XDH: variants seen among roughly 807,000 people sequenced by gnomAD.
The protein encoded by XDH is xanthine dehydrogenase/oxidase.
A neutral mutation model predicts 156.1 loss-of-function variants in XDH; 138 were observed. That is an observed-to-expected ratio of 0.88 (90% CI 0.77 to 1.02). The LOEUF is 1.02. Among genes scored for constraint, XDH ranks in the 50% least tolerant of loss-of-function variants. XDH has a pLI of 0.00. For missense variants in XDH, 1,849 were observed against 1,684.9 expected, an observed-to-expected ratio of 1.10 and a Z score of -1.71; for synonymous variants, 669 against 625.7, an observed-to-expected ratio of 1.07 and a Z score of -1.03.
At chr2:31,371,008 G>T (rs887445796) in intron 17 of XDH, among the ~76,000 whole-genome samples, 1 of 152,180 alleles carries the variant, frequency 6.6e-6, no homozygotes, top group Admixed American at 6.5e-5. Context: ...AGCACATGGA[G>T]CCCGGCTGTG....
chr2:31,368,739 C>T, intron 18 of XDH, 79 bp from the exon 19 acceptor site: 1 of 1,612,464 alleles, frequency 6.2e-7, no homozygotes, highest in African/African-American at 1.3e-5. Context: ...TTCAAAAAGC[C>T]AAAAGAAGTC....
intron 13 of XDH, among the ~76,000 whole-genome samples, chr2:31,378,103 AAAGAAAGGAAGGAAGGAAGGAAGGAAGG>A (rs1252036238): frequency 5.4e-4 from 28 of 51,784 alleles, no homozygotes; most frequent in Non-Finnish European, 2.2e-4. Flanking sequence ...AGAAAGAAAG[AAAGAAAGGAAGGAAGGAAGGAAGGAAGG>A]AAGGAAGGAA....
chr2:31,366,989 TC>T lies in XDH; in HGVS notation c.2202del (p.Ile735TyrfsTer37). On this transcript the variant is annotated frameshift_variant, in exon 21 of 36. Transcript: ENST00000379416. LOFTEE classifies it high-confidence loss of function. Reference sequence around the variant, plus strand: ...AAGTGCTCTTGGCCACCGATGTATATCTCCCCTGGGGAAGCAGTGAGATCCC... The same window carrying T: ...AAGTGCTCTTGGCCACCGATGTATATTCCCCTGGGGAAGCAGTGAGATCCC... ...FSEADNVVSG[E>X]IYIGGQEHFY... 5 of 1,614,122 alleles carry T rather than the reference TC, an allele frequency of 3.1e-6. No individual in the cohort carries two copies. The highest frequency in any genetic ancestry group is 4.2e-6 in the Non-Finnish European group (5 of 1,179,992).
At chr2:31,402,023 C>T (rs974561919) in intron 3 of XDH, among the ~76,000 whole-genome samples, 2 of 152,186 alleles carry the variant, frequency 1.3e-5, no homozygotes, top group Admixed American at 6.5e-5. Context: ...CAATTTAAAT[C>T]TTGTTAAAGT....
intron 1 of XDH, 58 bp downstream of exon 1, chr2:31,414,567 G>C (rs1040277644): frequency 3.1e-6 from 5 of 1,605,692 alleles, no homozygotes; most frequent in Non-Finnish European, 4.3e-6. Context: ...TCTGCCAGAG[G>C]ACACATTTCC....
rs1278744432 is a variant in XDH, at chr2:31,350,186, T to C, written c.2669A>G (p.Tyr890Cys). Residue 890 changes from tyrosine (Y) to cysteine (C), a missense_variant, in exon 25 of 36, where the codon TAT (tyrosine) becomes TGT (cysteine). Transcript: ENST00000379416. The stretch of plus-strand genomic sequence containing the variant: ...AGTGCCCCGGATGTTGGGGATTTTA[T>C]AGCAGTTGTCCATGTGGAATAAAGC... The part of the protein sequence containing the change: ...ERALFHMDNC[Y>C]KIPNIRGTGR... The C allele has an allele frequency of 1.2e-6, 2 of 1,614,166 alleles. No individual in the cohort carries two copies. Among genetic ancestry groups the C allele is most frequent in the Non-Finnish European group, 8.5e-7 (1 of 1,180,040 alleles).
chr2:31,339,774 G>A (rs561209214), intron 33 of XDH, 97 bp from the exon 34 acceptor site: 171 of 1,490,398 alleles, frequency 1.1e-4, no homozygotes, highest in Middle Eastern at 3.7e-4. Context: ...ACTGCAGCGC[G>A]GCCTGGAATG....
intron 33 of XDH, 144 bp from the exon 34 acceptor site, chr2:31,339,821 G>A (rs1039584463): frequency 6.4e-6 from 7 of 1,089,300 alleles, no homozygotes; most frequent in South Asian, 2.7e-5. Flanking sequence ...CCTGGCTCCC[G>A]CCTCAGCCCT....
chr2:31,397,499 G>A lies in XDH; in HGVS notation c.495+169C>T, dbSNP rs545432313. Among the ~76,000 whole-genome samples, 65 of 152,286 alleles carry A rather than the reference G, an allele frequency of 4.3e-4. 2 individuals carry two copies. The highest frequency in any genetic ancestry group is 8.3e-4 in the South Asian group (4 of 4,820). Reference sequence around the variant, plus strand: ...TAAGAACCCTTCCCTGAATAAGAATGGCAGACTCTACTCCCCATGCCAGAT... The same window carrying A: ...TAAGAACCCTTCCCTGAATAAGAATAGCAGACTCTACTCCCCATGCCAGAT... On this transcript the variant is annotated intron_variant, in intron 6 of 35. Coordinates refer to ENST00000379416, the MANE Select transcript of XDH (RefSeq NM_000379.4).
intron 1 of XDH, among the ~76,000 whole-genome samples, chr2:31,408,992 G>T (rs1261566929): frequency 6.6e-6 from 1 of 152,208 alleles, no homozygotes; most frequent in Admixed American, 6.5e-5. Flanking sequence ...CAACAACATG[G>T]ATGGATGGAG....
At chr2:31,379,457 G>C (rs761978871) in intron 13 of XDH, among the ~76,000 whole-genome samples, 18 of 152,210 alleles carry the variant, frequency 1.2e-4, no homozygotes, top group Admixed American at 8.5e-4. Flanking sequence ...ATGTGTTCTT[G>C]GAATTCTGTT....
chr2:31,405,863 C>T (rs1490208610), intron 2 of XDH, 44 bp downstream of exon 2: 17 of 1,609,552 alleles, frequency 1.1e-5, no homozygotes, highest in Non-Finnish European at 1.4e-5. Flanking sequence ...AATCAGTCAC[C>T]ATTGCCCCCC....
intron 17 of XDH, among the ~76,000 whole-genome samples, chr2:31,370,755 C>G (rs982274968): frequency 1.3e-5 from 2 of 152,158 alleles, no homozygotes; most frequent in African/African-American, 4.8e-5. Context: ...ATCCCAGCAC[C>G]TTGGCAGGTC....
At position 31,377,084 on chromosome 2, in the gene XDH, C is replaced by T; in HGVS notation, c.1396G>A (p.Ala466Thr). ...YGGMANRTISALKTTQRQLSK... is the reference protein window; with the variant it reads ...YGGMANRTISTLKTTQRQLSK... ...AGCTGCCTCTGAGTGGTCTTGAGGGCTGAGATGGTTCTGTTGGCCATTCCA... is the reference window on the plus strand; with the variant it reads ...AGCTGCCTCTGAGTGGTCTTGAGGGTTGAGATGGTTCTGTTGGCCATTCCA... The change falls in exon 14 of 36, where the codon GCC (alanine) becomes ACC (threonine). Residue 466 changes from alanine (A) to threonine (T), a missense_variant. Ala to Thr is a moderately conservative substitution (Grantham distance 58, BLOSUM62 0). Coordinates refer to ENST00000379416, the MANE Select transcript of XDH (RefSeq NM_000379.4). 6.2e-7 allele frequency: 1 copy of T among 1,614,128 alleles called. No homozygotes were observed. Among genetic ancestry groups the T allele is most frequent in the South Asian group, 1.1e-5 (1 of 91,076 alleles).
At chr2:31,411,701 T>C (rs1290547313) in intron 1 of XDH, among the ~76,000 whole-genome samples, 4 of 152,236 alleles carry the variant, frequency 2.6e-5, no homozygotes, top group Admixed American at 2.0e-4. Flanking sequence ...ACCTACTGTA[T>C]ACCATGCACT....
intron 31 of XDH, among the ~76,000 whole-genome samples, 168 bp downstream of exon 31, chr2:31,344,516 C>G (rs988767971): frequency 2.0e-5 from 3 of 152,192 alleles, no homozygotes; most frequent in Non-Finnish European, 4.4e-5. Flanking sequence ...TGTGGCCATT[C>G]CACATATTTT....
chr2:31,401,180 A>G, intron 4 of XDH, 40 bp downstream of exon 4: 1 of 1,608,550 alleles, frequency 6.2e-7, no homozygotes, highest in Non-Finnish European at 8.5e-7. Context: ...CAGAGGAAAG[A>G]GCCTGATCTC....
intron 9 of XDH, among the ~76,000 whole-genome samples, chr2:31,384,563 T>A (rs1327060600): frequency 6.6e-6 from 1 of 152,152 alleles, no homozygotes; most frequent in Non-Finnish European, 1.5e-5. Flanking sequence ...AAGCCTCTGT[T>A]AAACAAGTGT....
At chr2:31,368,255 G>A (rs994033432) in intron 19 of XDH, among the ~76,000 whole-genome samples, 198 bp from the exon 20 acceptor site, 1 of 152,178 alleles carries the variant, frequency 6.6e-6, no homozygotes, top group Non-Finnish European at 1.5e-5. Context: ...TCAGCTGTAG[G>A]TGGACAACCC....
Sources: gnomAD v4.1 joint callset for allele counts (sites outside exome capture counted in the v4.1 genomes callset) on GRCh38, gnomAD v4.1.1 for gene constraint, MANE v1.5 for transcripts, NCBI Gene and HGNC (gene_info 2026-07-23, HGNC 2026-07-21) for gene names.